Variants in ELF1 observed in about 807,000 individuals in gnomAD.
ELF1 encodes ETS-related transcription factor Elf-1.
A neutral mutation model predicts 59.9 loss-of-function variants in ELF1; 24 were observed. The ratio of observed to expected loss-of-function variants is 0.40; its 90% confidence interval spans 0.29 to 0.56. ELF1 has a LOEUF of 0.56. Among genes scored for constraint, ELF1 ranks in the 20% least tolerant of loss-of-function variants. The pLI is 0.44. For synonymous variants in ELF1, 248 were observed against 266.2 expected (o/e 0.93, Z 0.67); for missense variants, 627 against 742.2 (o/e 0.84, Z 1.80).
intron 1 of ELF1, among the ~76,000 whole-genome samples, chr13:40,997,549 C>T (rs1325786015): frequency 6.6e-6 from 1 of 152,052 alleles, no homozygotes; most frequent in South Asian, 2.1e-4. Context: ...AGCCACTGCA[C>T]CCGGCCATCT....
chr13:41,031,818 C>CAAA (rs3072004), intron 1 of ELF1, among the ~76,000 whole-genome samples: 8 of 82,178 alleles, frequency 9.7e-5, no homozygotes, highest in South Asian at 3.8e-4. Flanking sequence ...GACTCCGTGT[C>CAAA]AAAAAAAAAA....
At chr13:40,940,414 A>C (rs1424114205) in intron 8 of ELF1, among the ~76,000 whole-genome samples, 5 of 149,196 alleles carry the variant, frequency 3.4e-5, no homozygotes, top group African/African-American at 1.0e-4. Context: ...AAAAAAAAAA[A>C]AAAACAAACC....
At chr13:40,990,132 A>G (rs1873767778) in intron 1 of ELF1, among the ~76,000 whole-genome samples, 2 of 152,326 alleles carry the variant, frequency 1.3e-5, no homozygotes, top group South Asian at 4.1e-4. Flanking sequence ...AATCATACAC[A>G]AGAAACATAT....
In ELF1 at chr13:40,982,101, T is replaced by G; in HGVS notation, c.-47A>C. The G allele has an allele frequency of 6.3e-7, 1 of 1,594,094 alleles. No homozygotes were observed. The highest frequency in any genetic ancestry group is 8.5e-7 in the Non-Finnish European group (1 of 1,171,158). On this transcript the variant is annotated 5_prime_UTR_variant, in exon 2 of 9. Transcript: ENST00000239882. ...CCACATGAGAAAAATTCCAAGAAGATTCACGTATCAGGCAGCAAAATCCAG... is the reference window on the plus strand; with the variant it reads ...CCACATGAGAAAAATTCCAAGAAGAGTCACGTATCAGGCAGCAAAATCCAG...
chr13:41,008,968 TA>T (rs901368476), intron 1 of ELF1, among the ~76,000 whole-genome samples: 172 of 151,512 alleles, frequency 1.1e-3, no homozygotes, highest in African/African-American at 2.8e-3. Context: ...CTTTTTTTTT[TA>T]AAAAAAACAG....
chr13:40,953,392 T>C lies in ELF1; in HGVS notation c.254-1956A>G, dbSNP rs373097750. 2.4e-4 allele frequency among the ~76,000 whole-genome samples: 36 copies of C among 152,308 alleles called. 2 individuals are homozygous for C. In the South Asian group the frequency reaches 7.5e-3, roughly 32 times the overall value. On this transcript the variant is annotated intron_variant, in intron 3 of 8. Transcript: ENST00000239882. ...CTTTAAAGAGATAACTGAGTTAAAATGAGGTTATTAGTGTAGGCCCTAATC... is the reference window on the plus strand; with the variant it reads ...CTTTAAAGAGATAACTGAGTTAAAACGAGGTTATTAGTGTAGGCCCTAATC...
intron 1 of ELF1, among the ~76,000 whole-genome samples, chr13:41,048,406 C>T (rs1876950066): frequency 6.6e-6 from 1 of 152,148 alleles, no homozygotes; most frequent in South Asian, 2.1e-4. Context: ...TCTTATTTGG[C>T]CATCTTGGAA....
rs191540179 is a variant in ELF1 at position 40,958,385 on chromosome 13, G to A, written c.253+451C>T. On this transcript the variant is annotated intron_variant, in intron 3 of 8. Transcript: ENST00000239882. The stretch of plus-strand genomic sequence containing the variant: ...CTCATTTTGTTCACAGGAATACGGA[G>A]GAAGGCATATAAGAAAGTACTCAGT... Among the ~76,000 whole-genome samples the A allele has an allele frequency of 5.7e-3, 871 of 152,238 alleles. 8 individuals are homozygous for A. The highest frequency in any genetic ancestry group is 0.014 in the South Asian group (69 of 4,824).
intron 1 of ELF1, among the ~76,000 whole-genome samples, chr13:41,038,449 C>T (rs984246881): frequency 1.3e-5 from 2 of 152,030 alleles, no homozygotes; most frequent in African/African-American, 4.8e-5. Flanking sequence ...CCCAGGAGAT[C>T]GAGGTTGCAA....
At chr13:40,972,973 G>A (rs1456594031) in intron 2 of ELF1, among the ~76,000 whole-genome samples, 2 of 152,102 alleles carry the variant, frequency 1.3e-5, no homozygotes, top group Admixed American at 1.3e-4. Context: ...GGGGAGGGAG[G>A]AGATTACAGA....
intron 3 of ELF1, among the ~76,000 whole-genome samples, chr13:40,955,763 G>A (rs1871332247): frequency 9.4e-6 from 1 of 106,028 alleles, no homozygotes; most frequent in Admixed American, 8.6e-5. Context: ...GCCCCGTCCG[G>A]GAGGGAGGCG....
At chr13:40,963,578 A>T (rs1871984389) in intron 2 of ELF1, among the ~76,000 whole-genome samples, 1 of 152,252 alleles carries the variant, frequency 6.6e-6, no homozygotes, top group Non-Finnish European at 1.5e-5. Context: ...TAATCCATAT[A>T]TAAGAAAGAG....
intron 1 of ELF1, among the ~76,000 whole-genome samples, chr13:41,043,002 G>T (rs1210078227): frequency 1.3e-5 from 2 of 152,146 alleles, no homozygotes; most frequent in Non-Finnish European, 2.9e-5. Context: ...CATTCTAACT[G>T]GTGTAAGATG....
intron 1 of ELF1, among the ~76,000 whole-genome samples, chr13:41,050,814 G>T (rs1877056710): frequency 6.6e-6 from 1 of 152,194 alleles, no homozygotes; most frequent in Non-Finnish European, 1.5e-5. Context: ...CTCCCAAAGT[G>T]CTGGGACTAC....
intron 5 of ELF1, among the ~76,000 whole-genome samples, chr13:40,948,154 T>A (rs907210124): frequency 2.0e-5 from 3 of 152,124 alleles, no homozygotes; most frequent in Admixed American, 2.0e-4. Flanking sequence ...GGAGAAAAAA[T>A]TTTTTGGAAA....
chr13:41,040,429 G>C (rs368356408), intron 1 of ELF1, among the ~76,000 whole-genome samples: 1 of 152,112 alleles, frequency 6.6e-6, no homozygotes, highest in African/African-American at 2.4e-5. Flanking sequence ...CTACATTTCA[G>C]TATATGCAAT....
In ELF1 at chr13:40,991,577, C is replaced by T. The variant is rs115611333; in HGVS notation, c.-228-9295G>A. Among the ~76,000 whole-genome samples, 1,317 of 151,196 alleles carry T rather than the reference C, an allele frequency of 8.7e-3. 21 individuals carry two copies. The highest frequency in any genetic ancestry group is 0.03 in the African/African-American group (1,228 of 41,428). ...CAGGTGTGAGCCACCATGCCTGGCC[C>T]GTTACCACCTTTTATTAAGTTTTTA... On this transcript the variant is annotated intron_variant, in intron 1 of 8. Transcript: ENST00000239882.
chr13:41,008,908 C>T (rs1342677904), intron 1 of ELF1, among the ~76,000 whole-genome samples: 3 of 152,014 alleles, frequency 2.0e-5, no homozygotes, highest in Middle Eastern at 3.4e-3. Context: ...AAGATTTACA[C>T]TCTTCTCAGT....
intron 1 of ELF1, among the ~76,000 whole-genome samples, chr13:41,053,955 G>A (rs1593415645): frequency 6.6e-6 from 1 of 152,130 alleles, no homozygotes; most frequent in African/African-American, 2.4e-5. Context: ...GAGGCAAGAA[G>A]GCCACTTTCA....
Sources: allele counts gnomAD v4.1 joint callset (sites outside exome capture counted in the v4.1 genomes callset), GRCh38; gene constraint gnomAD v4.1.1; transcripts MANE v1.5; gene names NCBI Gene and HGNC (gene_info 2026-07-23, HGNC 2026-07-21).